Variants in CRTAC1 observed in about 807,000 individuals in gnomAD.
The protein encoded by CRTAC1 is cartilage acidic protein 1.
CRTAC1 carries 37 observed loss-of-function variants against 67.8 expected under a neutral mutation model. That is an observed-to-expected ratio of 0.55 (90% CI 0.42 to 0.72). The LOEUF (loss-of-function observed/expected upper bound fraction) is 0.72, where lower values mean the gene tolerates loss of function less well. CRTAC1 is among the 30% of genes least tolerant of loss of function. The probability of loss-of-function intolerance (pLI) is 0.00; values close to 1 mark genes in which losing one functional copy is unlikely to be tolerated. For missense variants in CRTAC1, 780 were observed against 931.6 expected (o/e 0.84, Z 2.12); for synonymous variants, 348 against 371.0 (o/e 0.94, Z 0.71).
intron 14 of CRTAC1, chr10:97,871,602 G>A (rs184398258): frequency 6.6e-5 from 10 of 152,212 alleles, no homozygotes; most frequent in Admixed American, 3.9e-4. Context: ...TTTAATTCTC[G>A]AACACTGGGG....
intron 11 of CRTAC1, among the ~76,000 whole-genome samples, chr10:97,889,103 T>TACCC (rs1449674832): frequency 1.0e-5 from 1 of 97,446 alleles, no homozygotes; most frequent in Non-Finnish European, 1.9e-5. Context: ...GCACCAGCAA[T>TACCC]ACCAGGGGCA....
At chr10:97,932,979 T>C (rs1564900624) in intron 3 of CRTAC1, among the ~76,000 whole-genome samples, 1 of 152,288 alleles carries the variant, frequency 6.6e-6, no homozygotes, top group East Asian at 1.9e-4. Flanking sequence ...AACGCTAGCA[T>C]CCCAAAGGCT....
chr10:97,889,629 G>A (rs983399374), intron 11 of CRTAC1, among the ~76,000 whole-genome samples: 2 of 152,098 alleles, frequency 1.3e-5, no homozygotes, highest in Admixed American at 6.5e-5. Context: ...GTGTGCTCCC[G>A]CGGGAGCAGA....
intron 14 of CRTAC1, chr10:97,869,880 G>A (rs2050072598): frequency 6.6e-6 from 1 of 152,264 alleles, no homozygotes; most frequent in Non-Finnish European, 1.5e-5. Context: ...ACAATGAGGG[G>A]GGCCCAGACA....
chr10:98,009,932 T>C (rs2136693382), intron 2 of CRTAC1, among the ~76,000 whole-genome samples: 1 of 152,280 alleles, frequency 6.6e-6, no homozygotes, highest in South Asian at 2.1e-4. Context: ...TCTCTCAATG[T>C]GGATGACAAT....
intron 11 of CRTAC1, among the ~76,000 whole-genome samples, chr10:97,891,525 G>A (rs560777765): frequency 3.3e-5 from 5 of 152,354 alleles, no homozygotes; most frequent in African/African-American, 7.2e-5. Context: ...CCAGTATGGC[G>A]GTGTGTCCAG....
rs1375921275 is a variant in CRTAC1 at position 97,907,986 on chromosome 10, G to A, written c.850+27C>T. The A allele has an allele frequency of 1.9e-6, 3 of 1,613,010 alleles. No homozygotes were observed. The East Asian group carries it at 6.7e-5, about 36-fold the overall frequency. On this transcript the variant is annotated intron_variant, in intron 6 of 14. Coordinates refer to ENST00000370597, the MANE Select transcript of CRTAC1 (RefSeq NM_018058.7). ...TGGGTCTGGGGTGAGGGGTCAGGGT[G>A]CACAGGGCATGGCTGCCTCCACTCA... is the stretch of plus-strand genomic sequence containing the variant.
chr10:97,978,988 G>C (rs191832397), intron 2 of CRTAC1, among the ~76,000 whole-genome samples: 1 of 152,236 alleles, frequency 6.6e-6, no homozygotes, highest in Admixed American at 6.5e-5. Context: ...GGAATTGTGT[G>C]TGTGATGACC....
intron 2 of CRTAC1, among the ~76,000 whole-genome samples, chr10:98,007,547 CTG>C: frequency 6.6e-6 from 1 of 152,320 alleles, no homozygotes; most frequent in East Asian, 1.9e-4. Context: ...ATCCTGTCTT[CTG>C]TGTAACTCTT....
chr10:97,881,560 C>G (rs1182958405), intron 13 of CRTAC1, among the ~76,000 whole-genome samples: 4 of 152,196 alleles, frequency 2.6e-5, no homozygotes, highest in Non-Finnish European at 5.9e-5. Context: ...TCCCCAGCTC[C>G]CAGCATGACA....
At chr10:97,923,503 A>G in intron 3 of CRTAC1, 103 bp from the exon 4 acceptor site, 1 of 1,458,274 alleles carries the variant, frequency 6.9e-7, no homozygotes, top group South Asian at 1.2e-5. Context: ...GGTTGGGACC[A>G]GAGGAGGTTG....
At chr10:97,959,934 A>G (rs1475945569) in intron 2 of CRTAC1, among the ~76,000 whole-genome samples, 1 of 152,262 alleles carries the variant, frequency 6.6e-6, no homozygotes, top group Non-Finnish European at 1.5e-5. Context: ...GTTGTCTACC[A>G]GGAAGGCTCA....
chr10:97,913,497 A>C (rs2050718512), intron 5 of CRTAC1, among the ~76,000 whole-genome samples: 2 of 152,208 alleles, frequency 1.3e-5, no homozygotes, highest in African/African-American at 2.4e-5. Flanking sequence ...GAGGCTAGCC[A>C]CAGGCTTGAC....
chr10:97,957,718 G>T (rs1253503863), intron 2 of CRTAC1, among the ~76,000 whole-genome samples: 1 of 152,106 alleles, frequency 6.6e-6, no homozygotes, highest in Non-Finnish European at 1.5e-5. Context: ...GATCAAAAAT[G>T]CAGGGACTGT....
At position 97,878,536 on chromosome 10, in the gene CRTAC1, A is replaced by C; in HGVS notation, c.1819+1713T>G. 1.7e-6 allele frequency: 2 copies of C among 1,161,188 alleles called. 1 individual carries two copies. The highest frequency in any genetic ancestry group is 3.2e-5 in the South Asian group (2 of 62,286). The allele number at this position is 1,161,188 out of a possible 1,614,324, so 71.9% of individuals were successfully genotyped here. A position where few individuals can be genotyped will look rare whatever the true frequency, so the allele number is the denominator to read the frequency against. ...TATCCTGGGATGACTTTTTTTCCCC[A>C]TGAAGAATAGATCTATGTTTTATAA... On this transcript the variant is annotated intron_variant, in intron 14 of 14. Transcript: ENST00000370597.
chr10:97,972,027 G>A (rs143565480), intron 2 of CRTAC1, among the ~76,000 whole-genome samples: 82 of 152,204 alleles, frequency 5.4e-4, no homozygotes, highest in African/African-American at 1.9e-3. Context: ...TCCCTCGCCC[G>A]GGAAACTTGT....
At chr10:97,994,378 C>T (rs1422157848) in intron 2 of CRTAC1, among the ~76,000 whole-genome samples, 1 of 152,130 alleles carries the variant, frequency 6.6e-6, no homozygotes, top group East Asian at 1.9e-4. Context: ...AGATAGGGTG[C>T]TCGCTCTGGT....
chr10:97,986,382 C>T (rs2051984002), intron 2 of CRTAC1, among the ~76,000 whole-genome samples: 1 of 152,194 alleles, frequency 6.6e-6, no homozygotes, highest in Non-Finnish European at 1.5e-5. Flanking sequence ...CCCATGGGCA[C>T]TCAATGAAGG....
intron 2 of CRTAC1, among the ~76,000 whole-genome samples, chr10:97,956,831 G>C (rs1041632045): frequency 1.3e-5 from 2 of 151,514 alleles, no homozygotes; most frequent in African/African-American, 4.9e-5. Context: ...GTCTTTCTCT[G>C]AAAGACTGTA....
Sources: allele counts gnomAD v4.1 joint callset (sites outside exome capture counted in the v4.1 genomes callset), GRCh38; gene constraint gnomAD v4.1.1; transcripts MANE v1.5; gene names NCBI Gene and HGNC (gene_info 2026-07-23, HGNC 2026-07-21).